Variants in BEND7 observed in about 807,000 individuals in gnomAD.
BEND7 encodes the protein BEN domain-containing protein 7.
Under a neutral mutation model 50.9 loss-of-function variants are expected in BEND7, and 28 were observed. That is an observed-to-expected ratio of 0.55 (90% CI 0.41 to 0.75). BEND7 has a LOEUF of 0.75. Ranked by LOEUF, BEND7 falls within the 30% of genes least tolerant of loss-of-function variation. BEND7 has a pLI of 0.00. For missense variants in BEND7, 477 were observed against 491.3 expected (o/e 0.97, Z 0.28); for synonymous variants, 170 against 183.9 (o/e 0.92, Z 0.61).
rs149069078 is a variant in BEND7, at chr10:13,480,921, T to C, written c.1041A>G (p.Gln347=). ...AACCTTTTATTGCACCCACAATATT[T>C]TGGTCTAGTCCTTTCCGGTTGTCAT... ...GLNDNRKGLD[Q]NIVGAIKVFT... Residue 347 remains glutamine, a synonymous_variant, in exon 6 of 9, where the codon CAA becomes CAG. Coordinates refer to ENST00000466271, the MANE Select transcript of BEND7 (RefSeq NM_001369863.1). The C allele has an allele frequency of 6.2e-6, 10 of 1,614,068 alleles. No individual in the cohort carries two copies. In the African/African-American group the frequency reaches 1.1e-4, roughly 17 times the overall value.
chr10:13,502,731 GCCGGGT>G (rs774731527), intron 2 of BEND7: 42 of 167,004 alleles, frequency 2.5e-4, no homozygotes, highest in Admixed American at 7.8e-4. Context: ...TCCCCATCAG[GCCGGGT>G]ATGCCTGCAC....
intron 6 of BEND7, among the ~76,000 whole-genome samples, chr10:13,478,702 T>A (rs1461111362): frequency 3.3e-5 from 5 of 152,076 alleles, no homozygotes; most frequent in Admixed American, 3.3e-4. Flanking sequence ...AGGAAAAAAA[T>A]CAAAATCAAA....
At chr10:13,514,528 C>G (rs1469339877) in intron 2 of BEND7, among the ~76,000 whole-genome samples, 1 of 152,198 alleles carries the variant, frequency 6.6e-6, no homozygotes, top group Admixed American at 6.5e-5. Flanking sequence ...TCAGTTGCCC[C>G]TGCCTCGACA....
chr10:13,484,251 C>T (rs931951571), intron 5 of BEND7, among the ~76,000 whole-genome samples: 3 of 152,190 alleles, frequency 2.0e-5, no homozygotes, highest in Admixed American at 6.5e-5. Context: ...ATGCTATCTA[C>T]GTGTGCCAGG....
At chr10:13,521,138 C>T (rs1353410374) in intron 2 of BEND7, among the ~76,000 whole-genome samples, 1 of 151,952 alleles carries the variant, frequency 6.6e-6, no homozygotes, top group African/African-American at 2.4e-5. Context: ...GTAAGGCTCT[C>T]TGGGTCTCCT....
At chr10:13,505,659 T>C (rs2077826518) in intron 2 of BEND7, among the ~76,000 whole-genome samples, 2 of 152,162 alleles carry the variant, frequency 1.3e-5, no homozygotes, top group South Asian at 2.1e-4. Context: ...TGCTTGTGGA[T>C]CTCTTGCTGG....
At chr10:13,501,268 C>T (rs2077430764) in intron 2 of BEND7, among the ~76,000 whole-genome samples, 1 of 148,054 alleles carries the variant, frequency 6.8e-6, no homozygotes, top group Non-Finnish European at 1.5e-5. Context: ...CAGCTACTCA[C>T]AAGGCTGAGC....
chr10:13,475,423 C>G (rs1467736931), intron 6 of BEND7, among the ~76,000 whole-genome samples: 1 of 152,204 alleles, frequency 6.6e-6, no homozygotes, highest in African/African-American at 2.4e-5. Flanking sequence ...GGAACACAAG[C>G]TATATCAAGT....
intron 8 of BEND7, chr10:13,442,001 T>A: frequency 2.0e-6 from 1 of 497,958 alleles, no homozygotes; most frequent in Non-Finnish European, 3.6e-6. Flanking sequence ...GATGACTGGC[T>A]GGTCTTTGGT....
intron 6 of BEND7, chr10:13,459,636 G>T (rs896739036): frequency 3.9e-5 from 6 of 152,180 alleles, no homozygotes; most frequent in South Asian, 2.1e-4. Context: ...CAGCATGCAG[G>T]CTCAGAAATC....
At chr10:13,514,804 A>C (rs1400076205) in intron 2 of BEND7, among the ~76,000 whole-genome samples, 3 of 152,238 alleles carry the variant, frequency 2.0e-5, no homozygotes, top group Non-Finnish European at 4.4e-5. Context: ...AATGAGAATG[A>C]GTTAATGCAA....
At position 13,513,794 on chromosome 10, in the gene BEND7, C is replaced by T. The variant is rs368417706; in HGVS notation, c.145+12344G>A. ...TCCCCAGGATGGAGCTGCAGCTCCC[C>T]GAGAGGCTGGGCCTCCTTGCTGTTG... On this transcript the variant is annotated intron_variant, in intron 2 of 8. Transcript: ENST00000466271. Among the ~76,000 whole-genome samples the T allele has an allele frequency of 4.0e-4, 61 of 152,350 alleles. 1 individual carries two copies. In the South Asian group the frequency reaches 0.012, roughly 31 times the overall value.
chr10:13,527,190 A>C (rs576109543), intron 1 of BEND7, among the ~76,000 whole-genome samples: 1 of 152,306 alleles, frequency 6.6e-6, no homozygotes, highest in African/African-American at 2.4e-5. Flanking sequence ...AGAGACTTTT[A>C]AAAGTCCAAG....
intron 7 of BEND7, among the ~76,000 whole-genome samples, chr10:13,449,927 C>T (rs550172945): frequency 5.3e-5 from 8 of 152,282 alleles, no homozygotes; most frequent in South Asian, 4.1e-4. Context: ...CTTTCTTCCC[C>T]GGTGACAATC....
At chr10:13,466,419 C>T (rs987096645) in intron 6 of BEND7, among the ~76,000 whole-genome samples, 7 of 151,910 alleles carry the variant, frequency 4.6e-5, no homozygotes, top group African/African-American at 9.7e-5. Context: ...ATTAGCTGGG[C>T]GTGGTGGCGC....
At chr10:13,482,408 C>T (rs965892957) in intron 5 of BEND7, among the ~76,000 whole-genome samples, 1 of 152,242 alleles carries the variant, frequency 6.6e-6, no homozygotes, top group African/African-American at 2.4e-5. Flanking sequence ...CTCCTATTCA[C>T]CACTCTGCAA....
chr10:13,447,921 G>A (rs1028470698), intron 7 of BEND7, among the ~76,000 whole-genome samples: 2 of 152,162 alleles, frequency 1.3e-5, no homozygotes, highest in African/African-American at 4.8e-5. Flanking sequence ...TCGCGGGGAT[G>A]TGTCAATGAA....
At chr10:13,444,145 A>G (rs1835798894) in intron 8 of BEND7, 1 of 152,002 alleles carries the variant, frequency 6.6e-6, no homozygotes, top group Non-Finnish European at 1.5e-5. Context: ...CATCTGTGCT[A>G]TAGCATTTAT....
chr10:13,473,476 G>A (rs1435536352), intron 6 of BEND7, among the ~76,000 whole-genome samples: 2 of 149,866 alleles, frequency 1.3e-5, no homozygotes, highest in African/African-American at 2.5e-5. Context: ...TGTTAGACTC[G>A]GGGTTGATAT....
Sources: allele counts gnomAD v4.1 joint callset (sites outside exome capture counted in the v4.1 genomes callset), GRCh38; gene constraint gnomAD v4.1.1; transcripts MANE v1.5; gene names NCBI Gene and HGNC (gene_info 2026-07-23, HGNC 2026-07-21).